ATP6V0D2: variants seen among roughly 807,000 people sequenced by gnomAD.
ATP6V0D2 encodes the protein ATPase H+ transporting V0 subunit d2.
A neutral mutation model predicts 40.0 loss-of-function variants in ATP6V0D2; 40 were observed. The observed-to-expected ratio is 1.00, with a 90% CI of 0.78 to 1.30. ATP6V0D2 has a LOEUF of 1.30. Ranked by LOEUF, ATP6V0D2 falls within the 50% of genes most tolerant of loss-of-function variation. ATP6V0D2 has a pLI of 0.00. For missense variants in ATP6V0D2, 470 were observed against 423.1 expected, an observed-to-expected ratio of 1.11 and a Z score of -0.97; for synonymous variants, 179 against 156.3, an observed-to-expected ratio of 1.15 and a Z score of -1.08.
At chr8:86,148,266 T>C (rs1375840222) in intron 5 of ATP6V0D2, among the ~76,000 whole-genome samples, 3 of 152,200 alleles carry the variant, frequency 2.0e-5, no homozygotes, top group African/African-American at 7.2e-5. Context: ...CTAAAATTAC[T>C]GACAGGACTG....
intron 2 of ATP6V0D2, among the ~76,000 whole-genome samples, chr8:86,122,672 A>C (rs1409331234): frequency 1.3e-5 from 2 of 152,238 alleles, no homozygotes; most frequent in Admixed American, 1.3e-4. Context: ...AGCCACAGCT[A>C]TAAGAGAAGG....
intron 1 of ATP6V0D2, among the ~76,000 whole-genome samples, chr8:86,110,477 T>C (rs1385524189): frequency 1.3e-5 from 2 of 152,210 alleles, no homozygotes; most frequent in African/African-American, 2.4e-5. Context: ...TAAAGGTTTA[T>C]TGGAAGCCAA....
In ATP6V0D2 at chr8:86,100,790, A is replaced by G. The variant is rs145842606; in HGVS notation, c.130+1682A>G. Among the ~76,000 whole-genome samples, 504 of 152,206 alleles carry G rather than the reference A, an allele frequency of 3.3e-3. 2 individuals carry two copies. The highest frequency in any genetic ancestry group is 0.012 in the African/African-American group (490 of 41,528). ...AATGAATTCTATTTAGTTTTCAGCC[A>G]AGCTCTTAAATGAGCTAAGGAATGC... On this transcript the variant is annotated intron_variant, in intron 1 of 7. Transcript: ENST00000285393.
chr8:86,143,622 G>A (rs532753450), intron 5 of ATP6V0D2, among the ~76,000 whole-genome samples: 2 of 152,318 alleles, frequency 1.3e-5, no homozygotes, highest in Admixed American at 1.3e-4. Flanking sequence ...TGCCATCTTG[G>A]TTTTGGTGGG....
At chr8:86,126,236 C>CTATATATATATGTATATATATATA (rs1818740698) in intron 2 of ATP6V0D2, among the ~76,000 whole-genome samples, 1 of 77,120 alleles carries the variant, frequency 1.3e-5, no homozygotes, top group African/African-American at 3.7e-5. Context: ...CGTGCTCAGC[C>CTATATATATATGTATATATATATA]TATATATATA....
At chr8:86,143,055 A>G in intron 5 of ATP6V0D2, 101 bp downstream of exon 5, 3 of 729,450 alleles carry the variant, frequency 4.1e-6, no homozygotes, top group Non-Finnish European at 6.7e-6. Flanking sequence ...ATTTTTTTTT[A>G]ATCTAGAAGT....
chr8:86,115,398 T>G (rs1818580794), intron 2 of ATP6V0D2, among the ~76,000 whole-genome samples: 1 of 132,212 alleles, frequency 7.6e-6, no homozygotes, highest in Admixed American at 8.4e-5. Context: ...AGACTGAGTC[T>G]CATTCTGTCG....
intron 3 of ATP6V0D2, 104 bp from the exon 4 acceptor site, chr8:86,141,346 T>C: frequency 1.4e-6 from 1 of 733,722 alleles, no homozygotes; most frequent in Non-Finnish European, 2.3e-6. Context: ...CTCTGCAGTG[T>C]TCTTGTCAGG....
rs564384965 is a variant in ATP6V0D2 at position 86,115,358 on chromosome 8, A to ATTTTTTTTT, written c.302+1498_302+1506dup. On this transcript the variant is annotated intron_variant, in intron 2 of 7. Transcript: ENST00000285393. ...CTTTCTTTGTCCTTCCGTATCATCC[A>ATTTTTTTTT]TTTTTTTTTTTTTTTTTTTTTTTTT... Among the ~76,000 whole-genome samples the ATTTTTTTTT allele has an allele frequency of 2.6e-3, 187 of 73,276 alleles. 27 individuals are homozygous for ATTTTTTTTT. Among genetic ancestry groups the ATTTTTTTTT allele is most frequent in the African/African-American group, 9.3e-3 (167 of 17,862 alleles). The allele number at this position is 73,276 out of a possible 152,430, so 48.1% of individuals were successfully genotyped here.
chr8:86,105,616 C>CTTTTTTTTTTTTTT (rs1401385712), intron 1 of ATP6V0D2, among the ~76,000 whole-genome samples: 9 of 131,162 alleles, frequency 6.9e-5, no homozygotes, highest in Non-Finnish European at 8.0e-5. Context: ...CTTCTTTTTT[C>CTTTTTTTTTTTTTT]TTTTCTTTTT....
At chr8:86,134,420 A>G (rs1197092974) in intron 2 of ATP6V0D2, among the ~76,000 whole-genome samples, 1 of 152,188 alleles carries the variant, frequency 6.6e-6, no homozygotes, top group African/African-American at 2.4e-5. Flanking sequence ...AATACAATAT[A>G]CCCTTTCTCC....
intron 2 of ATP6V0D2, among the ~76,000 whole-genome samples, chr8:86,124,240 A>C (rs1200340467): frequency 6.6e-6 from 1 of 152,182 alleles, no homozygotes; most frequent in East Asian, 1.9e-4. Flanking sequence ...TAAAACTCTC[A>C]AGCATTTTGT....
intron 1 of ATP6V0D2, among the ~76,000 whole-genome samples, chr8:86,110,644 A>G (rs1262632085): frequency 6.6e-6 from 1 of 152,234 alleles, no homozygotes; most frequent in African/African-American, 2.4e-5. Context: ...TACAGAGGTT[A>G]CAATCACTGG....
intron 5 of ATP6V0D2, among the ~76,000 whole-genome samples, chr8:86,146,231 A>G (rs180684398): frequency 6.6e-6 from 1 of 152,354 alleles, no homozygotes; most frequent in African/African-American, 2.4e-5. Flanking sequence ...AATAGGTAAG[A>G]ATTATGGCTT....
At position 86,139,227 on chromosome 8, in the gene ATP6V0D2, CAAAA is replaced by C. The variant is rs35331724; in HGVS notation, c.303-216_303-213del. Among the ~76,000 whole-genome samples, 332 of 120,252 alleles carry C rather than the reference CAAAA, an allele frequency of 2.8e-3. 1 individual carries two copies. Among genetic ancestry groups the C allele is most frequent in the African/African-American group, 9.4e-3 (309 of 32,934 alleles). 78.9% of individuals were successfully genotyped at this position (120,252 alleles called of 152,430 possible). The stretch of plus-strand genomic sequence containing the variant: ...AGGGTGACAGAGAGAGACTTGGTCT[CAAAA>C]AAAAAAAAAAAAAGAATATTGAATA... On this transcript the variant is annotated intron_variant, in intron 2 of 7. Transcript: ENST00000285393.
At position 86,139,631 on chromosome 8, in the gene ATP6V0D2, A is replaced by G. The variant is rs1381706344; in HGVS notation, c.477A>G (p.Pro159=). 3 of 1,590,972 alleles carry G rather than the reference A, an allele frequency of 1.9e-6. No individual in the cohort carries two copies. The highest frequency in any genetic ancestry group is 1.4e-5 in the African/African-American group (1 of 73,848). ...DLFNAILIET[P]LAPFFQDCMS... ...TTAATGCCATTCTGATCGAAACGCC[A>G]TTAGGTAGGAACACTTAGGTAATTT... Residue 159 remains proline (P), a synonymous_variant, in exon 3 of 8, where the codon CCA becomes CCG. Coordinates refer to ENST00000285393, the MANE Select transcript of ATP6V0D2 (RefSeq NM_152565.1).
At chr8:86,126,119 T>C (rs2130254255) in intron 2 of ATP6V0D2, among the ~76,000 whole-genome samples, 1 of 149,268 alleles carries the variant, frequency 6.7e-6, no homozygotes, top group East Asian at 2.0e-4. Context: ...TGTATTTTTA[T>C]AGAGACTGGG....
chr8:86,137,725 A>C (rs2626332), intron 2 of ATP6V0D2, among the ~76,000 whole-genome samples: 129,579 of 152,070 alleles, frequency 0.85, 55,336 homozygotes, highest in Middle Eastern at 0.91. Flanking sequence ...ATCACCCCAA[A>C]AACTAAAAGC....
chr8:86,109,211 A>G (rs2130233375), intron 1 of ATP6V0D2, among the ~76,000 whole-genome samples: 1 of 152,336 alleles, frequency 6.6e-6, no homozygotes, highest in South Asian at 2.1e-4. Context: ...TAATTCCTAC[A>G]GTAAAGAAGC....
Sources: gnomAD v4.1 joint callset for allele counts (sites outside exome capture counted in the v4.1 genomes callset) on GRCh38, gnomAD v4.1.1 for gene constraint, MANE v1.5 for transcripts, NCBI Gene and HGNC (gene_info 2026-07-23, HGNC 2026-07-21) for gene names.